The following TAF3 variants were observed in gnomAD, a reference collection of about 807,000 sequenced individuals.
TAF3 encodes TATA-box binding protein associated factor 3.
TAF3 carries 7 observed loss-of-function variants against 80.6 expected under a neutral mutation model. The ratio of observed to expected loss-of-function variants is 0.09; its 90% CI spans 0.05 to 0.16. TAF3 has a LOEUF of 0.16. Ranked by LOEUF, TAF3 falls within the 10% of genes least tolerant of loss-of-function variation. The pLI, the probability that TAF3 is intolerant of heterozygous loss-of-function variation, is 1.00. For missense variants in TAF3, 921 were observed against 1,140.2 expected (o/e 0.81, Z 2.77); for synonymous variants, 444 against 446.1 (o/e 1.00, Z 0.06).
chr10:7,883,343 A>G (rs187603394), intron 2 of TAF3, among the ~76,000 whole-genome samples: 1 of 152,326 alleles, frequency 6.6e-6, no homozygotes, highest in East Asian at 1.9e-4. Flanking sequence ...ATTCCTCATC[A>G]AATTCAGGGT....
At position 8,009,735 on chromosome 10, in the gene TAF3, C is replaced by T. The variant is rs1418423546; in HGVS notation, c.2568+405C>T. 6.6e-6 allele frequency among the ~76,000 whole-genome samples: 1 copy of T among 152,022 alleles called. No homozygotes were observed. Among genetic ancestry groups the T allele is most frequent in the Non-Finnish European group, 1.5e-5 (1 of 67,978 alleles). On this transcript the variant is annotated intron_variant, in intron 5 of 6. Coordinates refer to ENST00000344293, the MANE Select transcript of TAF3 (RefSeq NM_031923.4). This position sits in a 1 kb window ranked among gnomAD's most constrained non-coding sequence, Gnocchi z 4.1. ...CTCCCAGGTTCAAGCGATTCTCCTG[C>T]CTCAGCCTCCTGAGTAGCTGGGATT...
rs748088468 is a variant in TAF3 at position 8,009,264 on chromosome 10, C to T, written c.2502C>T (p.Ala834=). 6 of 1,558,912 alleles carry T rather than the reference C, an allele frequency of 3.8e-6. No individual in the cohort carries two copies. The highest frequency in any genetic ancestry group is 2.5e-5 in the East Asian group (1 of 39,778). The part of the protein sequence containing the change: ...GPALLPSPGP[A]ASGASAKAPV... ...CCCTGCTGCCCTCCCCGGGTCCCGCCGCCTCCGGGGCCAGTGCCAAAGCCC... is the reference window on the plus strand; with the variant it reads ...CCCTGCTGCCCTCCCCGGGTCCCGCTGCCTCCGGGGCCAGTGCCAAAGCCC... The change falls in exon 5 of 7, where the codon GCC becomes GCT. Residue 834 remains alanine, a synonymous_variant. Coordinates refer to ENST00000344293, the MANE Select transcript of TAF3 (RefSeq NM_031923.4). The surrounding 1 kb of genome is among the most constrained non-coding windows in gnomAD (Gnocchi z 4.1).
At chr10:7,835,396 G>A (rs61833209) in intron 2 of TAF3, among the ~76,000 whole-genome samples, 12,911 of 152,256 alleles carry the variant, frequency 0.085, 621 homozygotes, top group Non-Finnish European at 0.11. Context: ...CTCTTCTATC[G>A]TTTTTGCGGA....
chr10:7,983,268 G>T (rs1831744104), intron 4 of TAF3, among the ~76,000 whole-genome samples: 1 of 152,210 alleles, frequency 6.6e-6, no homozygotes, highest in East Asian at 1.9e-4. Context: ...AGGCTGCCCT[G>T]TCAGAAGGGG....
chr10:7,870,317 G>A (rs941365761), intron 2 of TAF3, among the ~76,000 whole-genome samples: 44 of 152,114 alleles, frequency 2.9e-4, no homozygotes, highest in African/African-American at 8.7e-4. Context: ...TCACTTTTCC[G>A]GGAGTATATT....
Position 8,014,880 on chromosome 10 carries a change from C to A in TAF3, c.*129C>A. The stretch of plus-strand genomic sequence containing the variant: ...CCTGTGGATAAAGAACCCAGGAGGA[C>A]TGAGGCTGGAACACACCGCGCACCT... On this transcript the variant is annotated 3_prime_UTR_variant, in exon 7 of 7. Transcript: ENST00000344293. 1.2e-6 allele frequency: 1 copy of A among 804,030 alleles called. No homozygotes were observed. Among genetic ancestry groups the A allele is most frequent in the Non-Finnish European group, 1.9e-6 (1 of 514,940 alleles). The allele number at this position is 804,030 out of a possible 1,614,324, so 49.8% of individuals were successfully genotyped here. A position where few individuals can be genotyped will look rare whatever the true frequency, so the allele number is the denominator to read the frequency against.
Position 8,009,016 on chromosome 10 carries a change from G to C in TAF3, c.2316-62G>C. The C allele has an allele frequency of 6.5e-7, 1 of 1,548,444 alleles. No individual in the cohort carries two copies. Among genetic ancestry groups the C allele is most frequent in the South Asian group, 1.1e-5 (1 of 90,456 alleles). On this transcript the variant is annotated intron_variant, in intron 4 of 6. Coordinates refer to ENST00000344293, the MANE Select transcript of TAF3 (RefSeq NM_031923.4). The surrounding 1 kb of genome is among the most constrained non-coding windows in gnomAD (Gnocchi z 4.1). ...AGCTATTTTACGATCATGTTTTTAA[G>C]CACGGGTTTGGTTCGATGATGATCC...
At chr10:8,005,139 T>A (rs1831979671) in intron 4 of TAF3, among the ~76,000 whole-genome samples, 1 of 152,220 alleles carries the variant, frequency 6.6e-6, no homozygotes, top group Non-Finnish European at 1.5e-5. Flanking sequence ...GACCTATATT[T>A]CTAGCCTTTG....
chr10:7,914,498 C>T (rs1407649391), intron 2 of TAF3, among the ~76,000 whole-genome samples: 2 of 152,166 alleles, frequency 1.3e-5, no homozygotes, highest in Non-Finnish European at 2.9e-5. Context: ...AGGAGCCATC[C>T]CTAGTTGCCC....
chr10:7,859,078 C>A (rs1027438626), intron 2 of TAF3, among the ~76,000 whole-genome samples: 10 of 151,854 alleles, frequency 6.6e-5, no homozygotes, highest in African/African-American at 2.4e-4. Flanking sequence ...CTGGCTAACA[C>A]GGTGAAACCC....
chr10:7,828,210 C>T (rs1027295076), intron 2 of TAF3, among the ~76,000 whole-genome samples: 3 of 152,048 alleles, frequency 2.0e-5, no homozygotes, highest in Non-Finnish European at 4.4e-5. Flanking sequence ...GCCCACTGCA[C>T]TTCAGCCTGG....
intron 3 of TAF3, among the ~76,000 whole-genome samples, chr10:7,976,810 G>A (rs911964862): frequency 3.9e-5 from 6 of 152,136 alleles, no homozygotes; most frequent in African/African-American, 9.6e-5. Flanking sequence ...ATTTGATAAC[G>A]CAAACTTAAG....
intron 2 of TAF3, among the ~76,000 whole-genome samples, chr10:7,928,320 G>T (rs531494065): frequency 6.6e-6 from 1 of 152,236 alleles, no homozygotes; most frequent in East Asian, 1.9e-4. Context: ...AGTATTTTTT[G>T]AGTGAGCTAA....
chr10:8,006,176 A>AT (rs1161194109), intron 4 of TAF3, among the ~76,000 whole-genome samples: 5 of 127,552 alleles, frequency 3.9e-5, no homozygotes, highest in African/African-American at 1.5e-4. Context: ...CTGAAAAAAA[A>AT]AATACACACA....
At chr10:8,005,837 C>G (rs1350399553) in intron 4 of TAF3, among the ~76,000 whole-genome samples, 1 of 152,204 alleles carries the variant, frequency 6.6e-6, no homozygotes, top group East Asian at 1.9e-4. Flanking sequence ...TTATGTAAGG[C>G]AAACCTCAGT....
At chr10:7,906,155 C>A (rs1837606902) in intron 2 of TAF3, among the ~76,000 whole-genome samples, 1 of 152,126 alleles carries the variant, frequency 6.6e-6, no homozygotes, top group African/African-American at 2.4e-5. Context: ...TGTCCAATTC[C>A]TCTTTCTCCT....
chr10:7,961,610 T>C (rs146734702), intron 2 of TAF3, among the ~76,000 whole-genome samples: 1 of 152,292 alleles, frequency 6.6e-6, no homozygotes, highest in East Asian at 1.9e-4. Context: ...TCTTCCTTGT[T>C]CATATCATCC....
In TAF3 at chr10:8,014,995, C is replaced by CA; in HGVS notation, c.*244_*245insA. On this transcript the variant is annotated 3_prime_UTR_variant, in exon 7 of 7. Transcript: ENST00000344293. ...AGCAGAGGCGTGGCCTGGGGGCTGC[C>CA]CCTCCTCCACTTCTCTAATACCAGT... The CA allele has an allele frequency of 1.6e-5, 6 of 367,426 alleles. No homozygotes were observed. Among genetic ancestry groups the CA allele is most frequent in the South Asian group, 3.8e-5 (1 of 26,438 alleles). 22.8% of individuals were successfully genotyped at this position (367,426 alleles called of 1,614,324 possible).
intron 2 of TAF3, among the ~76,000 whole-genome samples, chr10:7,854,004 A>T (rs1016788913): frequency 6.6e-6 from 1 of 152,214 alleles, no homozygotes; most frequent in African/African-American, 2.4e-5. Context: ...TGCCTCCTTT[A>T]TATCAACAAA....
Sources: allele counts gnomAD v4.1 joint callset (sites outside exome capture counted in the v4.1 genomes callset), GRCh38; gene constraint gnomAD v4.1.1; non-coding constraint Gnocchi (gnomAD v3.1); transcripts MANE v1.5; gene names NCBI Gene and HGNC (gene_info 2026-07-23, HGNC 2026-07-21).